Variants in KCNIP4 observed in about 807,000 individuals in gnomAD.
KCNIP4 encodes the protein potassium voltage-gated channel interacting protein 4.
KCNIP4 carries 12 observed loss-of-function variants against 34.0 expected under a neutral mutation model. The ratio of observed to expected loss-of-function variants is 0.35; its 90% CI spans 0.23 to 0.57. KCNIP4 has a LOEUF of 0.57. Ranked by LOEUF, KCNIP4 falls within the 20% of genes least tolerant of loss-of-function variation. KCNIP4 has a pLI of 0.83. For synonymous variants in KCNIP4, 124 were observed against 102.2 expected (o/e 1.21, Z -1.29); for missense variants, 238 against 311.7 (o/e 0.76, Z 1.78).
rs964616732 is a variant in KCNIP4, at chr4:21,507,416, C to T, written c.61+441155G>A. On this transcript the variant is annotated intron_variant, in intron 1 of 8. Coordinates refer to ENST00000382152, the MANE Select transcript of KCNIP4 (RefSeq NM_025221.6). ...AGTAGCTGGGACTACAGGGACATGC[C>T]GACACGACCAGCTAATTTTTAGTAG... Among the ~76,000 whole-genome samples, 8 of 152,000 alleles carry T rather than the reference C, an allele frequency of 5.3e-5. No homozygotes were observed. In the East Asian group the frequency reaches 1.4e-3, roughly 26 times the overall value.
chr4:20,843,232 T>G (rs1186174778), intron 3 of KCNIP4, among the ~76,000 whole-genome samples: 2 of 152,060 alleles, frequency 1.3e-5, no homozygotes, highest in Non-Finnish European at 2.9e-5. Context: ...ACTGCATAAA[T>G]GAAGGTAACA....
intron 1 of KCNIP4, among the ~76,000 whole-genome samples, chr4:21,383,972 C>T (rs921443365): frequency 6.6e-6 from 1 of 152,156 alleles, no homozygotes; most frequent in African/African-American, 2.4e-5. Flanking sequence ...ATTCTACTCT[C>T]TGACCCACCC....
chr4:21,833,505 G>C (rs1445213351), intron 1 of KCNIP4, among the ~76,000 whole-genome samples: 5 of 151,310 alleles, frequency 3.3e-5, no homozygotes, highest in Middle Eastern at 3.2e-3. Flanking sequence ...TTTGTCAGAT[G>C]AGTAGGTTGT....
chr4:21,380,074 A>AT (rs914927902), intron 1 of KCNIP4, among the ~76,000 whole-genome samples: 1 of 152,028 alleles, frequency 6.6e-6, no homozygotes, highest in East Asian at 1.9e-4. Context: ...AGATATTGCT[A>AT]TTTTTTTCCA....
chr4:21,515,503 G>A (rs1041588576), intron 1 of KCNIP4, among the ~76,000 whole-genome samples: 6 of 152,062 alleles, frequency 3.9e-5, no homozygotes, highest in East Asian at 1.9e-4. Context: ...GCTATGCGTC[G>A]TTGCAGGCGC....
chr4:21,902,509 C>T (rs1194553310), intron 1 of KCNIP4, among the ~76,000 whole-genome samples: 1 of 151,952 alleles, frequency 6.6e-6, no homozygotes, highest in Non-Finnish European at 1.5e-5. Flanking sequence ...CACAGAAAGA[C>T]CTTCTGGGAA....
intron 1 of KCNIP4, among the ~76,000 whole-genome samples, chr4:21,517,993 C>A (rs1263664645): frequency 2.0e-5 from 3 of 152,172 alleles, no homozygotes; most frequent in Admixed American, 2.0e-4. Flanking sequence ...ATCTCACACA[C>A]AGGACAACGA....
chr4:21,924,889 C>A (rs942621298), intron 1 of KCNIP4, among the ~76,000 whole-genome samples: 3 of 151,962 alleles, frequency 2.0e-5, no homozygotes, highest in Non-Finnish European at 4.4e-5. Context: ...TTTGATCATG[C>A]TACTCCATTG....
At chr4:21,778,236 C>CT (rs71655659) in intron 1 of KCNIP4, among the ~76,000 whole-genome samples, 1,062 of 25,728 alleles carry the variant, frequency 0.041, 7 homozygotes, top group Middle Eastern at 0.065. Context: ...TTTTTTTTTT[C>CT]TTTTTTTTTT....
intron 2 of KCNIP4, among the ~76,000 whole-genome samples, chr4:20,851,975 A>T (rs1721079185): frequency 6.6e-6 from 1 of 152,172 alleles, no homozygotes; most frequent in African/African-American, 2.4e-5. Context: ...TGATGGCACC[A>T]CTGCAGTCCA....
At chr4:21,924,784 C>A (rs144598733) in intron 1 of KCNIP4, among the ~76,000 whole-genome samples, 1 of 152,174 alleles carries the variant, frequency 6.6e-6, no homozygotes, top group Non-Finnish European at 1.5e-5. Context: ...CCTAGGGTCC[C>A]TTTCCTATAC....
At chr4:21,493,382 G>A (rs895250933) in intron 1 of KCNIP4, among the ~76,000 whole-genome samples, 50 of 151,124 alleles carry the variant, frequency 3.3e-4, no homozygotes, top group African/African-American at 1.1e-3. Context: ...CAAGTGCAAG[G>A]AACTTCAGCT....
chr4:21,477,778 T>G (rs1448646662), intron 1 of KCNIP4, among the ~76,000 whole-genome samples: 1 of 152,192 alleles, frequency 6.6e-6, no homozygotes, highest in Non-Finnish European at 1.5e-5. Flanking sequence ...CAAAAGCAAG[T>G]CCCATTGGGG....
intron 1 of KCNIP4, among the ~76,000 whole-genome samples, chr4:21,010,495 G>A (rs1172464871): frequency 2.0e-5 from 3 of 152,146 alleles, no homozygotes; most frequent in Middle Eastern, 6.8e-3. Context: ...TCGAACGTCC[G>A]CTGCCAGGAA....
intron 5 of KCNIP4, among the ~76,000 whole-genome samples, chr4:20,740,925 GTC>G (rs1750918173): frequency 6.6e-6 from 1 of 152,106 alleles, no homozygotes; most frequent in African/African-American, 2.4e-5. Context: ...TGCAATCCTA[GTC>G]TCTGATAAAA....
chr4:21,835,333 A>G (rs1479929397), intron 1 of KCNIP4, among the ~76,000 whole-genome samples: 2 of 152,150 alleles, frequency 1.3e-5, no homozygotes, highest in African/African-American at 4.8e-5. Flanking sequence ...ATAACATAAT[A>G]GAAAATTTTA....
At chr4:20,984,912 T>TTAAG (rs143995010) in intron 1 of KCNIP4, among the ~76,000 whole-genome samples, 3,856 of 152,246 alleles carry the variant, frequency 0.025, 166 homozygotes, top group African/African-American at 0.088. Context: ...GTGTGTGTTA[T>TTAAG]TAAGAAGCCC....
intron 1 of KCNIP4, among the ~76,000 whole-genome samples, chr4:20,975,612 G>T (rs754871131): frequency 6.6e-6 from 1 of 152,186 alleles, no homozygotes; most frequent in South Asian, 2.1e-4. Context: ...TCCACCAACC[G>T]CCTAAAAAGA....
intron 1 of KCNIP4, among the ~76,000 whole-genome samples, chr4:21,602,782 A>T (rs1410841137): frequency 1.3e-5 from 2 of 152,254 alleles, no homozygotes; most frequent in Middle Eastern, 3.4e-3. Context: ...CAGAATAAAG[A>T]AGGAAGAGTA....
Sources: allele counts gnomAD v4.1 joint callset (sites outside exome capture counted in the v4.1 genomes callset), GRCh38; gene constraint gnomAD v4.1.1; transcripts MANE v1.5; gene names NCBI Gene and HGNC (gene_info 2026-07-23, HGNC 2026-07-21).